Variants in VTI1A observed in about 807,000 individuals in gnomAD.
VTI1A encodes the protein vesicle transport through interaction with t-SNAREs homolog 1A.
VTI1A carries 22 observed loss-of-function variants against 34.9 expected under a neutral mutation model. That is an observed-to-expected ratio of 0.63 (90% CI 0.45 to 0.90). The LOEUF (loss-of-function observed/expected upper bound fraction) is 0.90. Among genes scored for constraint, VTI1A ranks in the 40% least tolerant of loss-of-function variants. VTI1A has a pLI of 0.00. For missense variants in VTI1A, 268 were observed against 275.6 expected (o/e 0.97, Z 0.20); for synonymous variants, 87 against 97.3 (o/e 0.89, Z 0.62).
chr10:112,609,474 C>T (rs1845209483), intron 5 of VTI1A, among the ~76,000 whole-genome samples: 1 of 152,106 alleles, frequency 6.6e-6, no homozygotes, highest in African/African-American at 2.4e-5. Context: ...GGGATCAGAT[C>T]TTGTTAATTT....
At chr10:112,656,996 GTCCTGC>G (rs982297067) in intron 5 of VTI1A, among the ~76,000 whole-genome samples, 12 of 152,022 alleles carry the variant, frequency 7.9e-5, no homozygotes, top group Non-Finnish European at 1.5e-5. Flanking sequence ...CACTCTCTTG[GTCCTGC>G]TCCTGCCCTG....
At chr10:112,536,749 C>T (rs1023174116) in intron 4 of VTI1A, among the ~76,000 whole-genome samples, 4 of 149,058 alleles carry the variant, frequency 2.7e-5, no homozygotes, top group African/African-American at 9.8e-5. Flanking sequence ...TTCTCACCCC[C>T]CCACCCTTCC....
chr10:112,635,036 G>A (rs934030324), intron 5 of VTI1A, among the ~76,000 whole-genome samples: 5 of 152,258 alleles, frequency 3.3e-5, no homozygotes, highest in South Asian at 2.1e-4. Flanking sequence ...AGTCTCCTAC[G>A]GACATTTGCC....
At chr10:112,554,873 C>A (rs1851489338) in intron 5 of VTI1A, among the ~76,000 whole-genome samples, 1 of 152,052 alleles carries the variant, frequency 6.6e-6, no homozygotes, top group South Asian at 2.1e-4. Flanking sequence ...AAGGGTCAGG[C>A]TAATCAATCA....
At chr10:112,542,500 A>G (rs1487991432) in intron 5 of VTI1A, among the ~76,000 whole-genome samples, 2 of 152,082 alleles carry the variant, frequency 1.3e-5, no homozygotes, top group Non-Finnish European at 2.9e-5. Flanking sequence ...CTGACTTCCC[A>G]GGTGGCCACT....
At chr10:112,720,419 C>G (rs1166480174) in intron 7 of VTI1A, among the ~76,000 whole-genome samples, 1 of 152,192 alleles carries the variant, frequency 6.6e-6, no homozygotes, top group Non-Finnish European at 1.5e-5. Context: ...CAGTGAGGAA[C>G]TATCTCATGG....
chr10:112,583,408 G>A (rs1564836731), intron 5 of VTI1A, among the ~76,000 whole-genome samples: 1 of 152,238 alleles, frequency 6.6e-6, no homozygotes, highest in Non-Finnish European at 1.5e-5. Flanking sequence ...GAATGCGGTT[G>A]CATTCAGGTC....
chr10:112,565,055 C>G lies in VTI1A; in HGVS notation c.427+26725C>G, dbSNP rs142420146. On this transcript the variant is annotated intron_variant, in intron 5 of 7. Coordinates refer to ENST00000393077, the MANE Select transcript of VTI1A (RefSeq NM_145206.4). ...CCCCTCTTATATTTGACCAGAGACCCATAGTATTGAAGGAGATTTATGGAA... is the reference window on the plus strand; with the variant it reads ...CCCCTCTTATATTTGACCAGAGACCGATAGTATTGAAGGAGATTTATGGAA... 3.4e-4 allele frequency among the ~76,000 whole-genome samples: 51 copies of G among 152,136 alleles called. 1 individual carries two copies. The highest frequency in any genetic ancestry group is 3.4e-3 in the Middle Eastern group (1 of 294).
At position 112,704,483 on chromosome 10, in the gene VTI1A, G is replaced by T. The variant is rs1423113502; in HGVS notation, c.560+35485G>T. Among the ~76,000 whole-genome samples the T allele has an allele frequency of 2.3e-4, 35 of 151,934 alleles. 1 individual carries two copies. The highest frequency in any genetic ancestry group is 2.3e-3 in the Admixed American group (35 of 15,262). ...TTTTCACCAAGACATAGGCATTTTA[G>T]TGTGTCATTCTACAGTGGTCAAGTT... On this transcript the variant is annotated intron_variant, in intron 7 of 7. Transcript: ENST00000393077.
In VTI1A at chr10:112,549,619, A is replaced by G. The variant is rs570215832; in HGVS notation, c.427+11289A>G. 1.4e-4 allele frequency among the ~76,000 whole-genome samples: 21 copies of G among 152,346 alleles called. No individual in the cohort carries two copies. The East Asian group carries it at 3.7e-3, about 27-fold the overall frequency. On this transcript the variant is annotated intron_variant, in intron 5 of 7. Transcript: ENST00000393077. ...TAGAGAAAAAATTGTCTATAGAAAT[A>G]TTAAACTTTTTGACAGAGAAAGTTC...
At chr10:112,671,931 C>A (rs1262137276) in intron 7 of VTI1A, 2 of 151,896 alleles carry the variant, frequency 1.3e-5, no homozygotes, top group Non-Finnish European at 2.9e-5. Context: ...GTCTGTATGC[C>A]AGGGCCGGGG....
At chr10:112,531,125 G>T (rs534240547) in intron 4 of VTI1A, among the ~76,000 whole-genome samples, 1 of 150,960 alleles carries the variant, frequency 6.6e-6, no homozygotes, top group East Asian at 2.0e-4. Flanking sequence ...GCGCGCGCGC[G>T]CATGAACCCT....
downstream of VTI1A, among the ~76,000 whole-genome samples, chr10:112,821,478 A>C (rs146318452): frequency 5.7e-3 from 875 of 152,274 alleles, 8 homozygotes; most frequent in Non-Finnish European, 7.5e-3. Context: ...GTTAGAGAGA[A>C]ATGTTTTTTC....
intron 7 of VTI1A, among the ~76,000 whole-genome samples, chr10:112,692,273 A>C (rs1848639630): frequency 6.6e-6 from 1 of 152,230 alleles, no homozygotes; most frequent in African/African-American, 2.4e-5. Context: ...GGTTCCATCC[A>C]AACTTAAGAT....
chr10:112,854,903 G>T, the VTI1A span, among the ~76,000 whole-genome samples: 1 of 152,154 alleles, frequency 6.6e-6, no homozygotes, highest in African/African-American at 2.4e-5. Flanking sequence ...GTACCAGCTG[G>T]GGCTCTCCTT....
chr10:112,636,481 T>G (rs1483494540), intron 5 of VTI1A, among the ~76,000 whole-genome samples: 1 of 152,022 alleles, frequency 6.6e-6, no homozygotes, highest in African/African-American at 2.4e-5. Context: ...ATACCAGCAC[T>G]TTGGGAGGCC....
chr10:112,634,774 T>C lies in VTI1A; in HGVS notation c.428-33444T>C, dbSNP rs17129930. Among the ~76,000 whole-genome samples the C allele has an allele frequency of 7.8e-3, 1,183 of 152,336 alleles. 10 individuals carry two copies. The highest frequency in any genetic ancestry group is 0.027 in the African/African-American group (1,142 of 41,576). On this transcript the variant is annotated intron_variant, in intron 5 of 7. Transcript: ENST00000393077. ...CTTTTCTTTATTGTAAACTTTCTTA[T>C]GACTTTTTTATATATCTGCCATGTT...
At chr10:112,748,451 A>G (rs928839059) in intron 7 of VTI1A, among the ~76,000 whole-genome samples, 1 of 152,112 alleles carries the variant, frequency 6.6e-6, no homozygotes, top group Non-Finnish European at 1.5e-5. Context: ...GAGCCAGTCA[A>G]GTTTTCTCCA....
Position 112,708,974 on chromosome 10 carries a change from G to A in VTI1A, c.560+39976G>A, listed in dbSNP as rs73350572. 4.6e-3 allele frequency among the ~76,000 whole-genome samples: 708 copies of A among 152,296 alleles called. 4 individuals carry two copies. Among genetic ancestry groups the A allele is most frequent in the African/African-American group, 0.016 (666 of 41,568 alleles). On this transcript the variant is annotated intron_variant, in intron 7 of 7. Transcript: ENST00000393077. ...AGCTGGCATGTTTATGCCACCCCGC[G>A]GTTGCTGGTAGTTTCTGAATCTATG...
Sources: allele counts gnomAD v4.1 joint callset (sites outside exome capture counted in the v4.1 genomes callset), GRCh38; gene constraint gnomAD v4.1.1; transcripts MANE v1.5; gene names NCBI Gene and HGNC (gene_info 2026-07-23, HGNC 2026-07-21).